The following TBC1D12 variants were observed in gnomAD, a reference collection of about 807,000 sequenced individuals.
TBC1D12 encodes TBC1 domain family, member 12.
Under a neutral mutation model 86.7 loss-of-function variants are expected in TBC1D12, and 56 were observed. The ratio of observed to expected loss-of-function variants is 0.65; its 90% confidence interval spans 0.52 to 0.81. The LOEUF (loss-of-function observed/expected upper bound fraction) is 0.81. TBC1D12 is among the 30% of genes least tolerant of loss of function. The pLI, the probability that TBC1D12 is intolerant of heterozygous loss-of-function variation, is 0.00. For synonymous variants in TBC1D12, 421 were observed against 411.7 expected (o/e 1.02, Z -0.27); for missense variants, 1,023 against 1,038.8 (o/e 0.98, Z 0.21).
At chr10:94,450,759 C>A (rs1013966593) in intron 2 of TBC1D12, among the ~76,000 whole-genome samples, 28 of 151,956 alleles carry the variant, frequency 1.8e-4, no homozygotes, top group Non-Finnish European at 1.5e-5. Context: ...ATGGAATCAG[C>A]CTAGGTATCC....
rs1245585162 is a variant in TBC1D12 at position 94,535,891 on chromosome 10, A to G, written c.*2795A>G. The G allele has an allele frequency of 6.6e-6, 1 of 152,186 alleles. No homozygotes were observed. The highest frequency in any genetic ancestry group is 6.5e-5 in the Admixed American group (1 of 15,274). The allele number at this position is 152,186 out of a possible 1,614,324, so 9.4% of individuals were successfully genotyped here. On this transcript the variant is annotated 3_prime_UTR_variant, in exon 13 of 13. Coordinates refer to ENST00000225235, the MANE Select transcript of TBC1D12 (RefSeq NM_015188.2). ...ACAAAGAATTCACTAAAAACCACTC[A>G]TAACAATTACTGTGTAAATAAAACT...
At chr10:94,420,869 T>C (rs1350783299) in intron 1 of TBC1D12, among the ~76,000 whole-genome samples, 1 of 152,218 alleles carries the variant, frequency 6.6e-6, no homozygotes, top group East Asian at 1.9e-4. Context: ...TCAAGTTTTA[T>C]TTTTAATTGA....
At chr10:94,457,802 T>A (rs2055650958) in intron 2 of TBC1D12, among the ~76,000 whole-genome samples, 1 of 152,208 alleles carries the variant, frequency 6.6e-6, no homozygotes, top group Non-Finnish European at 1.5e-5. Flanking sequence ...CTTCTTTTTT[T>A]AAAACTTTTT....
chr10:94,452,114 A>C (rs2055560205), intron 2 of TBC1D12, among the ~76,000 whole-genome samples: 1 of 150,950 alleles, frequency 6.6e-6, no homozygotes, highest in South Asian at 2.1e-4. Context: ...ATATATATTT[A>C]AATATATGTA....
chr10:94,406,205 T>G (rs905710298), intron 1 of TBC1D12, among the ~76,000 whole-genome samples: 3 of 152,208 alleles, frequency 2.0e-5, no homozygotes, highest in Non-Finnish European at 4.4e-5. Context: ...AGGCAGGAAT[T>G]TTGATTTAAT....
intron 1 of TBC1D12, among the ~76,000 whole-genome samples, chr10:94,417,241 G>A (rs1424597492): frequency 6.6e-6 from 1 of 152,138 alleles, no homozygotes; most frequent in Non-Finnish European, 1.5e-5. Context: ...TATACAGATA[G>A]TTGATGTAAA....
chr10:94,468,980 A>T lies in TBC1D12; in HGVS notation c.1096-5688A>T, dbSNP rs150480362. Among the ~76,000 whole-genome samples the T allele has an allele frequency of 2.3e-3, 350 of 152,366 alleles. 1 individual carries two copies. Among genetic ancestry groups the T allele is most frequent in the Non-Finnish European group, 4.3e-3 (292 of 68,038 alleles). ...GGGTGACATTAATCACAGATTAAACATTGCAGAAGAAAGTAAGTTCATTGA... is the reference window on the plus strand; with the variant it reads ...GGGTGACATTAATCACAGATTAAACTTTGCAGAAGAAAGTAAGTTCATTGA... On this transcript the variant is annotated intron_variant, in intron 2 of 12. Coordinates refer to ENST00000225235, the MANE Select transcript of TBC1D12 (RefSeq NM_015188.2).
chr10:94,407,153 T>C (rs1340971437), intron 1 of TBC1D12, among the ~76,000 whole-genome samples: 3 of 152,238 alleles, frequency 2.0e-5, no homozygotes, highest in Non-Finnish European at 4.4e-5. Flanking sequence ...CACATCATTT[T>C]GGTAGATATA....
chr10:94,491,359 TGAAAA>T (rs770316076), intron 3 of TBC1D12, among the ~76,000 whole-genome samples: 10 of 152,210 alleles, frequency 6.6e-5, no homozygotes, highest in South Asian at 2.1e-4. Flanking sequence ...ACTAGCCTGT[TGAAAA>T]GAAAAGACTG....
At chr10:94,456,528 A>G (rs1486548190) in intron 2 of TBC1D12, among the ~76,000 whole-genome samples, 1 of 152,194 alleles carries the variant, frequency 6.6e-6, no homozygotes, top group Admixed American at 6.5e-5. Flanking sequence ...GAGATCTGAG[A>G]GCAGACATTT....
intron 1 of TBC1D12, among the ~76,000 whole-genome samples, chr10:94,416,824 G>C (rs566489616): frequency 6.6e-6 from 1 of 152,192 alleles, no homozygotes; most frequent in South Asian, 2.1e-4. Context: ...CTAAAGAAGA[G>C]GGTTTGGGTT....
chr10:94,477,329 A>T (rs1436100947), intron 3 of TBC1D12, among the ~76,000 whole-genome samples: 1 of 152,216 alleles, frequency 6.6e-6, no homozygotes, highest in Non-Finnish European at 1.5e-5. Context: ...TTATGTAACT[A>T]AAACAAACCA....
chr10:94,485,633 CCT>C (rs2056149519), intron 3 of TBC1D12, among the ~76,000 whole-genome samples: 1 of 150,650 alleles, frequency 6.6e-6, no homozygotes, highest in East Asian at 2.0e-4. Context: ...AGAATTCCCT[CCT>C]CTATTTTTTG....
At chr10:94,470,690 CTTTT>C (rs35586245) in intron 2 of TBC1D12, among the ~76,000 whole-genome samples, 11 of 105,822 alleles carry the variant, frequency 1.0e-4, no homozygotes, top group Admixed American at 3.0e-4. Flanking sequence ...ATTTGTAATT[CTTTT>C]TTTTTTTTTT....
chr10:94,495,027 CTT>C (rs34125941), intron 4 of TBC1D12, among the ~76,000 whole-genome samples: 5 of 140,340 alleles, frequency 3.6e-5, no homozygotes, highest in Non-Finnish European at 3.1e-5. Context: ...ACACCCAGCT[CTT>C]TTTTTTTTTT....
intron 1 of TBC1D12, among the ~76,000 whole-genome samples, chr10:94,421,015 C>G (rs2055066394): frequency 6.6e-6 from 1 of 152,154 alleles, no homozygotes; most frequent in African/African-American, 2.4e-5. Context: ...AGAAAACCCT[C>G]TTTTAGCTGT....
At chr10:94,488,319 C>T (rs1007937522) in intron 3 of TBC1D12, among the ~76,000 whole-genome samples, 2 of 141,686 alleles carry the variant, frequency 1.4e-5, no homozygotes, top group South Asian at 2.6e-4. Flanking sequence ...ACATGGGAGG[C>T]GGAGGCTGCA....
At chr10:94,516,850 A>G (rs1457378548) in intron 9 of TBC1D12, among the ~76,000 whole-genome samples, 2 of 151,818 alleles carry the variant, frequency 1.3e-5, no homozygotes, top group Non-Finnish European at 2.9e-5. Context: ...AGTATCCCAA[A>G]AGCCTTTATT....
chr10:94,441,646 C>T (rs1035098317), intron 1 of TBC1D12, among the ~76,000 whole-genome samples: 4 of 152,126 alleles, frequency 2.6e-5, no homozygotes, highest in African/African-American at 7.2e-5. Context: ...CACAGGTATA[C>T]GTGTGCCATG....
Sources: gnomAD v4.1 joint callset for allele counts (sites outside exome capture counted in the v4.1 genomes callset) on GRCh38, gnomAD v4.1.1 for gene constraint, MANE v1.5 for transcripts, NCBI Gene and HGNC (gene_info 2026-07-23, HGNC 2026-07-21) for gene names.